The following COX7B2 variants were observed in gnomAD, a reference collection of about 807,000 sequenced individuals.
COX7B2 encodes cytochrome c oxidase subunit 7B2.
For synonymous variants in COX7B2, 37 were observed against 32.1 expected (o/e 1.15, Z -0.51); for missense variants, 109 against 95.9 (o/e 1.14, Z -0.57).
intron 2 of COX7B2, among the ~76,000 whole-genome samples, chr4:46,806,586 A>G (rs559141112): frequency 6.6e-6 from 1 of 152,224 alleles, no homozygotes; most frequent in Admixed American, 6.5e-5. Flanking sequence ...TGTATACAAT[A>G]CAATTTTACT....
At chr4:46,848,024 T>C (rs548369347) in intron 1 of COX7B2, among the ~76,000 whole-genome samples, 1 of 151,968 alleles carries the variant, frequency 6.6e-6, no homozygotes, top group Non-Finnish European at 1.5e-5. Flanking sequence ...CTAACCACAC[T>C]AGATTTTACA....
intron 1 of COX7B2, among the ~76,000 whole-genome samples, chr4:46,847,054 T>G (rs1005953525): frequency 6.6e-6 from 1 of 152,016 alleles, no homozygotes; most frequent in Non-Finnish European, 1.5e-5. Context: ...GACGATCAAA[T>G]TTAACACCAT....
chr4:46,759,350 A>T (rs1179190778), intron 2 of COX7B2, among the ~76,000 whole-genome samples: 1 of 152,046 alleles, frequency 6.6e-6, no homozygotes, highest in Non-Finnish European at 1.5e-5. Flanking sequence ...ATCTTAAAAT[A>T]TTTATATGAA....
chr4:46,880,412 CTTTT>C (rs548281459), intron 1 of COX7B2, among the ~76,000 whole-genome samples: 39 of 85,614 alleles, frequency 4.6e-4, no homozygotes, highest in South Asian at 1.9e-3. Context: ...AGGTCCTGGG[CTTTT>C]TTTTTTTTTT....
intron 1 of COX7B2, among the ~76,000 whole-genome samples, chr4:46,889,200 C>G (rs985642715): frequency 1.3e-5 from 2 of 152,036 alleles, no homozygotes; most frequent in Admixed American, 6.6e-5. Flanking sequence ...GTTAAACCAC[C>G]TTTATAGATG....
At chr4:46,776,312 A>C (rs1717149759) in intron 2 of COX7B2, among the ~76,000 whole-genome samples, 1 of 151,904 alleles carries the variant, frequency 6.6e-6, no homozygotes, top group Admixed American at 6.6e-5. Context: ...GTTTTTAACC[A>C]TTTCCTGTTA....
chr4:46,838,342 T>C (rs1289161372), intron 2 of COX7B2, among the ~76,000 whole-genome samples: 1 of 152,058 alleles, frequency 6.6e-6, no homozygotes, highest in East Asian at 1.9e-4. Flanking sequence ...TATATTTCTA[T>C]ACAACATGCA....
At chr4:46,871,463 T>C (rs1717985048) in intron 1 of COX7B2, among the ~76,000 whole-genome samples, 1 of 152,072 alleles carries the variant, frequency 6.6e-6, no homozygotes, top group Non-Finnish European at 1.5e-5. Context: ...CAAAAGCTAT[T>C]GCCACAAAAG....
chr4:46,765,367 A>T (rs996950822), intron 2 of COX7B2, among the ~76,000 whole-genome samples: 1 of 152,158 alleles, frequency 6.6e-6, no homozygotes, highest in Admixed American at 6.5e-5. Context: ...CATGGACGCT[A>T]GCAGCATGTG....
chr4:46,843,419 C>T (rs566749982), intron 2 of COX7B2, among the ~76,000 whole-genome samples: 8 of 151,876 alleles, frequency 5.3e-5, no homozygotes, highest in East Asian at 1.9e-4. Flanking sequence ...ACTGAGACTC[C>T]GAGAGAGTCA....
At chr4:46,810,466 C>T (rs1177059716) in intron 2 of COX7B2, among the ~76,000 whole-genome samples, 1 of 151,914 alleles carries the variant, frequency 6.6e-6, no homozygotes, top group Non-Finnish European at 1.5e-5. Flanking sequence ...TATGTGGTCA[C>T]CATGAGGCTG....
intron 2 of COX7B2, among the ~76,000 whole-genome samples, chr4:46,814,914 G>A (rs112372875): frequency 1.3e-5 from 2 of 152,068 alleles, no homozygotes; most frequent in African/African-American, 4.8e-5. Context: ...GGCCAGGCAC[G>A]TTGGCTCATG....
chr4:46,814,540 C>T lies in COX7B2; in HGVS notation c.-50+30420G>A, dbSNP rs536875061. Reference sequence around the variant, plus strand: ...TTTACTTAGTTATTTAGGATATAAACTAAGTCTATAGTTACTTTTTAATAA... The same window carrying T: ...TTTACTTAGTTATTTAGGATATAAATTAAGTCTATAGTTACTTTTTAATAA... On this transcript the variant is annotated intron_variant, in intron 2 of 2. Transcript: ENST00000355591. 2.0e-5 allele frequency among the ~76,000 whole-genome samples: 3 copies of T among 152,256 alleles called. No individual in the cohort carries two copies. The South Asian group carries it at 6.2e-4, about 32-fold the overall frequency.
intron 2 of COX7B2, among the ~76,000 whole-genome samples, chr4:46,795,675 C>A (rs1577714191): frequency 8.7e-5 from 2 of 22,880 alleles, no homozygotes; most frequent in Non-Finnish European, 1.4e-4. Context: ...ATTGACTTGG[C>A]GATGCGGGCT....
Position 46,790,688 on chromosome 4 carries a change from C to T in COX7B2, c.-50+54272G>A, listed in dbSNP as rs113392991. On this transcript the variant is annotated intron_variant, in intron 2 of 2. Coordinates refer to ENST00000355591, the MANE Select transcript of COX7B2 (RefSeq NM_130902.3). ...CCATATCCACCTGGACTTTAGTATT[C>T]CTGCGGCAAATCTGGTCAAAGAAGG... Among the ~76,000 whole-genome samples, 829 of 152,220 alleles carry T rather than the reference C, an allele frequency of 5.4e-3. 7 individuals carry two copies. Among genetic ancestry groups the T allele is most frequent in the African/African-American group, 0.019 (769 of 41,530 alleles).
chr4:46,757,050 C>A (rs1715844943), intron 2 of COX7B2, among the ~76,000 whole-genome samples: 1 of 151,938 alleles, frequency 6.6e-6, no homozygotes, highest in African/African-American at 2.4e-5. Flanking sequence ...AAGTGTCCAT[C>A]AATAGAGGAC....
chr4:46,888,891 T>A (rs761793580), intron 1 of COX7B2, among the ~76,000 whole-genome samples: 1 of 152,218 alleles, frequency 6.6e-6, no homozygotes, highest in Non-Finnish European at 1.5e-5. Flanking sequence ...AACAGATATC[T>A]TTAAGTGAGC....
At chr4:46,903,825 T>C (rs1183031497) in intron 1 of COX7B2, 3 of 152,218 alleles carry the variant, frequency 2.0e-5, no homozygotes, top group Non-Finnish European at 4.4e-5. Flanking sequence ...AGCTATACCA[T>C]CTAGGTTTGT....
chr4:46,841,902 G>A (rs1234534556), intron 2 of COX7B2, among the ~76,000 whole-genome samples: 3 of 151,832 alleles, frequency 2.0e-5, no homozygotes, highest in African/African-American at 7.3e-5. Flanking sequence ...AATGATACAA[G>A]CTTCACAAAG....
Sources: allele counts gnomAD v4.1 joint callset (sites outside exome capture counted in the v4.1 genomes callset), GRCh38; gene constraint gnomAD v4.1.1; transcripts MANE v1.5; gene names NCBI Gene and HGNC (gene_info 2026-07-23, HGNC 2026-07-21).